The following C3orf52 variants were observed in gnomAD, a reference collection of about 807,000 sequenced individuals.
The protein encoded by C3orf52 is TPA-induced transmembrane protein.
Under a neutral mutation model 24.8 loss-of-function variants are expected in C3orf52, and 22 were observed. That is an observed-to-expected ratio of 0.89 (90% CI 0.63 to 1.27). The LOEUF (loss-of-function observed/expected upper bound fraction) is 1.27, where lower values mean the gene tolerates loss of function less well. Among genes scored for constraint, C3orf52 ranks in the 50% most tolerant of loss-of-function variants. The pLI is 0.00. For synonymous variants in C3orf52, 93 were observed against 100.2 expected, an observed-to-expected ratio of 0.93 and a Z score of 0.43; for missense variants, 265 against 260.7, an observed-to-expected ratio of 1.02 and a Z score of -0.11.
intron 4 of C3orf52, 51 bp from the exon 5 acceptor site, chr3:112,112,913 G>T (rs1233636472): frequency 1.4e-6 from 2 of 1,387,396 alleles, no homozygotes; most frequent in Admixed American, 3.7e-5. Context: ...TTCATTTCTT[G>T]AGTTGCAGTA....
chr3:112,093,626 T>A, intron 2 of C3orf52, 137 bp downstream of exon 2: 1 of 809,294 alleles, frequency 1.2e-6, no homozygotes, highest in East Asian at 2.7e-5. Context: ...TGGAATATAT[T>A]GTATGGGTGG....
chr3:112,111,852 C>T (rs1398563428), intron 4 of C3orf52: 2 of 152,242 alleles, frequency 1.3e-5, no homozygotes, highest in Admixed American at 6.5e-5. Context: ...CTATGAGTTT[C>T]TTCAGAGTCC....
intron 4 of C3orf52, among the ~76,000 whole-genome samples, chr3:112,125,743 G>A (rs1029767284): frequency 7.9e-5 from 12 of 152,220 alleles, no homozygotes; most frequent in African/African-American, 2.4e-4. Context: ...TCTAGGTGAC[G>A]GGATGGTGGT....
chr3:112,132,494 G>A, downstream of C3orf52: 1 of 223,768 alleles, frequency 4.5e-6, no homozygotes, highest in Non-Finnish European at 7.5e-6. Flanking sequence ...CCTACTTTAT[G>A]TCAGGCACTA....
downstream of C3orf52, chr3:112,130,856 T>TA: frequency 3.1e-6 from 1 of 326,692 alleles, no homozygotes. Context: ...TACCATCTCT[T>TA]TGGTGCAGTT....
chr3:112,099,994 G>A (rs1258362557), intron 2 of C3orf52, among the ~76,000 whole-genome samples: 2 of 152,180 alleles, frequency 1.3e-5, no homozygotes, highest in Non-Finnish European at 2.9e-5. Flanking sequence ...TAGCCAACAG[G>A]AGTTCAGACT....
chr3:112,093,460 T>G lies in C3orf52; in HGVS notation c.239T>G (p.Val80Gly), dbSNP rs1476552310. Reference protein sequence around the residue: ...ITSIFLGVITVIIIGLCLAAV... With the variant: ...ITSIFLGVITGIIIGLCLAAV... ...TCCATTTTCCTAGGTGTCATTACAG[T>G]GATCATCATAGGCTTATGTCTTGCT... The change falls in exon 2 of 6, where the codon GTG (valine) becomes GGG (glycine). Residue 80 changes from valine to glycine, a missense_variant. Coordinates refer to ENST00000264848, the MANE Select transcript of C3orf52 (RefSeq NM_024616.3). The G allele has an allele frequency of 3.7e-6, 6 of 1,613,744 alleles. No individual in the cohort carries two copies. The highest frequency in any genetic ancestry group is 5.1e-6 in the Non-Finnish European group (6 of 1,179,790).
chr3:112,093,433 C>T lies in C3orf52; in HGVS notation c.212C>T (p.Thr71Ile), dbSNP rs781578204. 70 of 1,613,716 alleles carry T rather than the reference C, an allele frequency of 4.3e-5. No homozygotes were observed. The South Asian group carries it at 6.0e-4, about 14-fold the overall frequency. The change falls in exon 2 of 6, where the codon ACC becomes ATC. Residue 71 changes from threonine to isoleucine, a missense_variant. By Grantham distance (89) the Thr-to-Ile change is moderately conservative. Coordinates refer to ENST00000264848, the MANE Select transcript of C3orf52 (RefSeq NM_024616.3). Reference protein sequence around the residue: ...VGRCKLWMIITSIFLGVITVI... With the variant: ...VGRCKLWMIIISIFLGVITVI... ...AGATGCAAACTGTGGATGATCATCACCTCCATTTTCCTAGGTGTCATTACA... is the reference window on the plus strand; with the variant it reads ...AGATGCAAACTGTGGATGATCATCATCTCCATTTTCCTAGGTGTCATTACA...
intron 1 of C3orf52, among the ~76,000 whole-genome samples, chr3:112,089,621 A>G (rs2073860445): frequency 6.6e-6 from 1 of 152,182 alleles, no homozygotes; most frequent in Non-Finnish European, 1.5e-5. Context: ...ACAAGAATCA[A>G]CTGGCTCTTT....
intron 4 of C3orf52, among the ~76,000 whole-genome samples, chr3:112,127,723 C>T (rs961094577): frequency 6.6e-6 from 1 of 152,228 alleles, no homozygotes; most frequent in African/African-American, 2.4e-5. Flanking sequence ...TGCTTCGGAA[C>T]ATGCAGACTC....
At chr3:112,128,342 C>A in exon 5 of C3orf52, 1 of 590,580 alleles carries the variant, frequency 1.7e-6, no homozygotes, top group Non-Finnish European at 3.1e-6. Flanking sequence ...CCTTGGTTCC[C>A]TTGTAATGAA....
At position 112,116,964 on chromosome 3, in the gene C3orf52, T is replaced by C. The variant is rs1470706258; in HGVS notation, c.*318T>C. ...TGTTTGTTTTTGTTTTGTTTCGTTTTGTTTTTTGAGACAGGGTCTCGTTCT... is the reference window on the plus strand; with the variant it reads ...TGTTTGTTTTTGTTTTGTTTCGTTTCGTTTTTTGAGACAGGGTCTCGTTCT... On this transcript the variant is annotated 3_prime_UTR_variant, in exon 6 of 6. Coordinates refer to ENST00000264848, the MANE Select transcript of C3orf52 (RefSeq NM_024616.3). 3 of 1,524,262 alleles carry C rather than the reference T, an allele frequency of 2.0e-6. No individual in the cohort carries two copies. The highest frequency in any genetic ancestry group is 2.0e-5 in the Admixed American group (1 of 50,590). The allele number at this position is 1,524,262 out of a possible 1,614,324, so 94.4% of individuals were successfully genotyped here.
chr3:112,088,227 ACTAATCTCAT>A (rs1168678037), intron 1 of C3orf52, among the ~76,000 whole-genome samples: 1 of 152,218 alleles, frequency 6.6e-6, no homozygotes, highest in African/African-American at 2.4e-5. Flanking sequence ...AATGCCTTGA[ACTAATCTCAT>A]CTAATGTGTT....
chr3:112,108,430 G>A (rs1319411561), intron 3 of C3orf52, among the ~76,000 whole-genome samples: 2 of 152,160 alleles, frequency 1.3e-5, no homozygotes, highest in Non-Finnish European at 1.5e-5. Flanking sequence ...TTGTGAAGTT[G>A]GAGATGCACC....
intron 2 of C3orf52, among the ~76,000 whole-genome samples, chr3:112,096,339 G>C (rs1049324089): frequency 1.3e-5 from 2 of 152,190 alleles, no homozygotes; most frequent in African/African-American, 4.8e-5. Context: ...GTGCATTCCT[G>C]CACCATTACC....
intron 4 of C3orf52, among the ~76,000 whole-genome samples, chr3:112,111,032 A>G (rs147310521): frequency 0.055 from 8,328 of 152,262 alleles, 317 homozygotes; most frequent in East Asian, 0.13. Flanking sequence ...AACATGGTGA[A>G]ACCCCATGTC....
At chr3:112,123,767 A>G in intron 4 of C3orf52, 1 of 1,607,166 alleles carries the variant, frequency 6.2e-7, no homozygotes, top group South Asian at 1.1e-5. Flanking sequence ...TCTGGTCAAC[A>G]TTGTCCTGCT....
At chr3:112,133,236 G>A (rs1241291218), downstream of C3orf52, 38 of 1,037,710 alleles carry the variant, frequency 3.7e-5, no homozygotes, top group Non-Finnish European at 5.1e-5. Context: ...GGCCACCCGT[G>A]CAGAGACAGC....
chr3:112,109,978 A>T, intron 4 of C3orf52: 1 of 202,264 alleles, frequency 4.9e-6, no homozygotes, highest in Non-Finnish European at 1.0e-5. Context: ...ATGTATAGGC[A>T]TTTGCTTTTG....
Sources: gnomAD v4.1 joint callset for allele counts (sites outside exome capture counted in the v4.1 genomes callset) on GRCh38, gnomAD v4.1.1 for gene constraint, MANE v1.5 for transcripts, NCBI Gene and HGNC (gene_info 2026-07-23, HGNC 2026-07-21) for gene names.